Variants in LUZP2 observed in about 807,000 individuals in gnomAD.
LUZP2 encodes the protein leucine zipper protein 2.
In LUZP2, 52 loss-of-function variants were observed where a neutral mutation model predicts 51.6. The observed-to-expected ratio is 1.01, with a 90% CI of 0.81 to 1.27. The LOEUF (loss-of-function observed/expected upper bound fraction) is 1.27, where lower values mean the gene tolerates loss of function less well. LUZP2 is among the 50% of genes most tolerant of loss of function. LUZP2 has a pLI of 0.00. For missense variants in LUZP2, 436 were observed against 395.4 expected (o/e 1.10, Z -0.87); for synonymous variants, 154 against 137.3 (o/e 1.12, Z -0.85).
intron 10 of LUZP2, among the ~76,000 whole-genome samples, chr11:25,067,835 A>G (rs1407056460): frequency 6.6e-6 from 1 of 152,076 alleles, no homozygotes; most frequent in South Asian, 2.1e-4. Flanking sequence ...GAAGGATTAT[A>G]AATCATTCTA....
chr11:24,708,994 A>G (rs910839697), intron 1 of LUZP2, among the ~76,000 whole-genome samples: 7 of 152,176 alleles, frequency 4.6e-5, no homozygotes, highest in Non-Finnish European at 8.8e-5. Flanking sequence ...GCTATCACCT[A>G]TCTTAGGGAC....
intron 7 of LUZP2, among the ~76,000 whole-genome samples, chr11:24,963,579 A>T (rs1352886427): frequency 6.8e-6 from 1 of 146,644 alleles, no homozygotes; most frequent in African/African-American, 2.4e-5. Flanking sequence ...CATGTGCGGG[A>T]TATAATCTCC....
intron 5 of LUZP2, among the ~76,000 whole-genome samples, chr11:24,768,899 T>G (rs948484611): frequency 1.3e-5 from 2 of 152,222 alleles, no homozygotes; most frequent in Non-Finnish European, 2.9e-5. Flanking sequence ...CTACTTGTTA[T>G]ATATCCAAAG....
chr11:24,914,044 A>T (rs1853720005), intron 6 of LUZP2, among the ~76,000 whole-genome samples: 1 of 152,110 alleles, frequency 6.6e-6, no homozygotes, highest in African/African-American at 2.4e-5. Flanking sequence ...TTCCGATCAC[A>T]TTTGCTTTTA....
intron 7 of LUZP2, among the ~76,000 whole-genome samples, chr11:24,944,214 A>T (rs2133853336): frequency 6.6e-6 from 1 of 152,242 alleles, no homozygotes; most frequent in Middle Eastern, 3.4e-3. Flanking sequence ...AGGCATAAAT[A>T]TTTTTTGAAG....
intron 7 of LUZP2, among the ~76,000 whole-genome samples, chr11:24,975,282 T>A (rs2133902669): frequency 6.6e-6 from 1 of 152,206 alleles, no homozygotes; most frequent in African/African-American, 2.4e-5. Context: ...ATAAAATTAT[T>A]GAATGAATGT....
At chr11:24,808,267 G>A (rs976929065) in intron 5 of LUZP2, among the ~76,000 whole-genome samples, 1 of 152,142 alleles carries the variant, frequency 6.6e-6, no homozygotes, top group Non-Finnish European at 1.5e-5. Context: ...TTGGGTTTTA[G>A]ACAGTGTAAA....
chr11:24,967,078 A>G (rs1377396054), intron 7 of LUZP2, among the ~76,000 whole-genome samples: 1 of 151,694 alleles, frequency 6.6e-6, no homozygotes, highest in African/African-American at 2.4e-5. Context: ...CCATTGTCAT[A>G]TATGTCTATG....
At chr11:24,538,331 T>C (rs1190946825) in intron 1 of LUZP2, among the ~76,000 whole-genome samples, 1 of 151,696 alleles carries the variant, frequency 6.6e-6, no homozygotes, top group African/African-American at 2.4e-5. Context: ...TAGGCATAAA[T>C]ATAAGTGATA....
rs531037576 is a variant in LUZP2, at chr11:24,873,525, T to C, written c.397-32466T>C. ...CTCCCTTTTTCCTTCAGATAACCCT[T>C]TGACTTCAGATATTATTTGATTCAT... On this transcript the variant is annotated intron_variant, in intron 5 of 11. Coordinates refer to ENST00000336930, the MANE Select transcript of LUZP2 (RefSeq NM_001009909.4). Among the ~76,000 whole-genome samples, 16 of 152,250 alleles carry C rather than the reference T, an allele frequency of 1.1e-4. No individual in the cohort carries two copies. In the East Asian group the frequency reaches 2.9e-3, roughly 28 times the overall value.
chr11:24,731,284 C>G (rs990338208), intron 2 of LUZP2, among the ~76,000 whole-genome samples: 1 of 151,736 alleles, frequency 6.6e-6, no homozygotes, highest in African/African-American at 2.4e-5. Context: ...ATTAAGTAAA[C>G]AAGTGTTTGC....
At chr11:25,037,297 A>G (rs1292176302) in intron 9 of LUZP2, among the ~76,000 whole-genome samples, 1 of 152,026 alleles carries the variant, frequency 6.6e-6, no homozygotes, top group Non-Finnish European at 1.5e-5. Flanking sequence ...TTTGTTTCCC[A>G]TTCGCTTGGT....
At chr11:24,533,252 C>A (rs1195730374) in intron 1 of LUZP2, among the ~76,000 whole-genome samples, 1 of 151,212 alleles carries the variant, frequency 6.6e-6, no homozygotes, top group African/African-American at 2.4e-5. Flanking sequence ...TGATTCAATT[C>A]TGTGTGTGGG....
intron 5 of LUZP2, among the ~76,000 whole-genome samples, chr11:24,780,783 C>T (rs1254127952): frequency 1.3e-5 from 2 of 152,206 alleles, no homozygotes; most frequent in East Asian, 1.9e-4. Flanking sequence ...CAGTCATTAT[C>T]TGTGATTCTG....
At chr11:25,057,149 A>C (rs1272656216) in intron 10 of LUZP2, among the ~76,000 whole-genome samples, 1 of 152,132 alleles carries the variant, frequency 6.6e-6, no homozygotes, top group African/African-American at 2.4e-5. Flanking sequence ...GTCACATTCA[A>C]CCATATCATA....
intron 5 of LUZP2, among the ~76,000 whole-genome samples, chr11:24,813,615 C>A (rs1358695791): frequency 6.6e-6 from 1 of 152,216 alleles, no homozygotes; most frequent in Non-Finnish European, 1.5e-5. Context: ...CCAAGCCATT[C>A]ATGAGGGATC....
intron 1 of LUZP2, among the ~76,000 whole-genome samples, chr11:24,711,647 T>C (rs1857832535): frequency 6.6e-6 from 1 of 152,090 alleles, no homozygotes; most frequent in Non-Finnish European, 1.5e-5. Flanking sequence ...CAGTTACTAT[T>C]TAAAATTTGT....
chr11:24,711,282 C>T (rs2631443), intron 1 of LUZP2, among the ~76,000 whole-genome samples: 12,219 of 151,708 alleles, frequency 0.081, 1,051 homozygotes, highest in African/African-American at 0.22. Flanking sequence ...ACCCCCGTCT[C>T]TACTAAAAAT....
chr11:24,728,621 C>T (rs376509471), intron 1 of LUZP2, among the ~76,000 whole-genome samples: 2 of 151,938 alleles, frequency 1.3e-5, no homozygotes, highest in East Asian at 1.9e-4. Context: ...AAATAATGCC[C>T]AAATTCCCAA....
Sources: allele counts gnomAD v4.1 joint callset (sites outside exome capture counted in the v4.1 genomes callset), GRCh38; gene constraint gnomAD v4.1.1; transcripts MANE v1.5; gene names NCBI Gene and HGNC (gene_info 2026-07-23, HGNC 2026-07-21).